ME1: variants seen among roughly 807,000 people sequenced by gnomAD.
The protein encoded by ME1 is malic enzyme 1, also known as NADP-dependent malic enzyme.
Under a neutral mutation model 66.4 loss-of-function variants are expected in ME1, and 74 were observed. That is an observed-to-expected ratio of 1.11 (90% CI 0.92 to 1.35). The LOEUF is 1.35. Among genes scored for constraint, ME1 ranks in the 40% most tolerant of loss-of-function variants. ME1 has a pLI of 0.00. For missense variants in ME1, 750 were observed against 694.1 expected, an observed-to-expected ratio of 1.08 and a Z score of -0.90; for synonymous variants, 251 against 235.6, an observed-to-expected ratio of 1.07 and a Z score of -0.60.
intron 6 of ME1, among the ~76,000 whole-genome samples, chr6:83,284,430 G>C (rs1767360594): frequency 6.6e-6 from 1 of 151,866 alleles, no homozygotes; most frequent in South Asian, 2.1e-4. Context: ...ACCTGGCAAA[G>C]ACACAACAAA....
At chr6:83,299,634 T>C (rs1470895783) in intron 6 of ME1, among the ~76,000 whole-genome samples, 3 of 152,172 alleles carry the variant, frequency 2.0e-5, no homozygotes, top group Non-Finnish European at 4.4e-5. Context: ...CTTTCAATAC[T>C]AAGTTGAATA....
intron 6 of ME1, among the ~76,000 whole-genome samples, chr6:83,280,112 A>C (rs1215231485): frequency 6.6e-6 from 1 of 152,216 alleles, no homozygotes; most frequent in Non-Finnish European, 1.5e-5. Flanking sequence ...AGTAATATTA[A>C]AAGATAAGAA....
chr6:83,254,211 G>A (rs1477148951), intron 6 of ME1, among the ~76,000 whole-genome samples: 1 of 152,102 alleles, frequency 6.6e-6, no homozygotes, highest in Non-Finnish European at 1.5e-5. Flanking sequence ...TGAGCTGAAA[G>A]ATAAAAAAGA....
chr6:83,404,722 T>C (rs1196999469), intron 2 of ME1, among the ~76,000 whole-genome samples: 1 of 152,256 alleles, frequency 6.6e-6, no homozygotes, highest in Non-Finnish European at 1.5e-5. Flanking sequence ...GTTTTCTGCA[T>C]ATGACTAGCC....
intron 7 of ME1, among the ~76,000 whole-genome samples, chr6:83,247,122 TAACAA>T (rs1790639031): frequency 6.6e-6 from 1 of 152,260 alleles, no homozygotes; most frequent in African/African-American, 2.4e-5. Context: ...TTAAAAATAC[TAACAA>T]GTCAAACTAG....
chr6:83,320,537 A>C (rs1040912571), intron 5 of ME1, among the ~76,000 whole-genome samples: 1 of 152,242 alleles, frequency 6.6e-6, no homozygotes, highest in South Asian at 2.1e-4. Context: ...CTGTTCCTTA[A>C]GGCATAAAAA....
At chr6:83,324,933 A>AT (rs1435440488) in intron 5 of ME1, among the ~76,000 whole-genome samples, 1 of 152,194 alleles carries the variant, frequency 6.6e-6, no homozygotes, top group Non-Finnish European at 1.5e-5. Flanking sequence ...TTTCAGGCCA[A>AT]TATCTCTGAC....
intron 9 of ME1, among the ~76,000 whole-genome samples, chr6:83,236,570 T>C (rs1050399450): frequency 6.6e-5 from 10 of 152,224 alleles, no homozygotes; most frequent in Admixed American, 2.0e-4. Flanking sequence ...CAAGTATTAA[T>C]AATGCCTTAT....
chr6:83,424,685 T>C (rs1770335967), intron 1 of ME1, among the ~76,000 whole-genome samples: 1 of 152,198 alleles, frequency 6.6e-6, no homozygotes, highest in African/African-American at 2.4e-5. Context: ...TGCTGTATTA[T>C]GAAATTTTGC....
At chr6:83,332,161 C>T (rs183743401) in intron 5 of ME1, among the ~76,000 whole-genome samples, 88 of 152,136 alleles carry the variant, frequency 5.8e-4, no homozygotes, top group Admixed American at 2.0e-3. Context: ...AACACCCTAC[C>T]TAATTTAATA....
chr6:83,228,765 T>A lies in ME1; in HGVS notation c.1132+61A>T, dbSNP rs1293926114. 5 of 1,122,420 alleles carry A rather than the reference T, an allele frequency of 4.5e-6. No homozygotes were observed. The East Asian group carries it at 7.2e-5, about 16-fold the overall frequency. 69.5% of individuals were successfully genotyped at this position (1,122,420 alleles called of 1,614,324 possible). On this transcript the variant is annotated intron_variant, in intron 10 of 13. Transcript: ENST00000369705. Reference sequence around the variant, plus strand: ...TAAATTATACCTCAAAAATTGGTAGTAAAAAAAACAATCAGGTCAAAATAA... The same window carrying A: ...TAAATTATACCTCAAAAATTGGTAGAAAAAAAAACAATCAGGTCAAAATAA...
chr6:83,302,728 T>A (rs1583368036), intron 6 of ME1, among the ~76,000 whole-genome samples: 1 of 152,192 alleles, frequency 6.6e-6, no homozygotes, highest in Non-Finnish European at 1.5e-5. Context: ...GAAGGAGCAG[T>A]TTATACAGAG....
chr6:83,398,065 T>C (rs935683372), intron 3 of ME1, among the ~76,000 whole-genome samples: 3 of 152,110 alleles, frequency 2.0e-5, no homozygotes, highest in African/African-American at 7.2e-5. Context: ...GTTCAAGACA[T>C]CTATTGTACC....
rs936831615 is a variant in ME1 at position 83,346,253 on chromosome 6, A to G, written c.520T>C (p.Leu174=). The stretch of plus-strand genomic sequence containing the variant: ...CCTCCGCAAGCTGTATATAGAGCCA[A>G]TTTACCCACAGGGATGCCCATTCCA... ...CNGMGIPVGK[L]ALYTACGGMN... Residue 174 remains leucine (L), a synonymous_variant, in exon 5 of 14, where the codon TTG becomes CTG. Transcript: ENST00000369705. 5.6e-6 allele frequency: 9 copies of G among 1,613,670 alleles called. No individual in the cohort carries two copies. In the Admixed American group the frequency reaches 6.7e-5, roughly 12 times the overall value.
chr6:83,411,954 C>T (rs1268795058), intron 1 of ME1, among the ~76,000 whole-genome samples: 2 of 152,162 alleles, frequency 1.3e-5, no homozygotes, highest in Non-Finnish European at 2.9e-5. Context: ...GGCAACTATT[C>T]TTCTGGACTG....
intron 3 of ME1, among the ~76,000 whole-genome samples, chr6:83,397,460 A>G (rs1225038529): frequency 6.6e-6 from 1 of 152,220 alleles, no homozygotes; most frequent in Non-Finnish European, 1.5e-5. Context: ...GGCTATACCA[A>G]AAAGATGAAC....
intron 3 of ME1, among the ~76,000 whole-genome samples, chr6:83,381,765 T>A (rs1041060347): frequency 6.6e-6 from 1 of 152,190 alleles, no homozygotes; most frequent in Non-Finnish European, 1.5e-5. Context: ...GCAAGTCTTC[T>A]TAGTGCCCTT....
At chr6:83,324,291 A>G (rs1317088103) in intron 5 of ME1, among the ~76,000 whole-genome samples, 2 of 151,640 alleles carry the variant, frequency 1.3e-5, no homozygotes, top group Non-Finnish European at 2.9e-5. Context: ...GAGAAGCAAG[A>G]GCAAACAAAT....
At chr6:83,273,771 G>A (rs983505983) in intron 6 of ME1, among the ~76,000 whole-genome samples, 6 of 152,136 alleles carry the variant, frequency 3.9e-5, no homozygotes, top group African/African-American at 1.2e-4. Context: ...TGAAATGAAC[G>A]TTATATGACA....
Sources: allele counts gnomAD v4.1 joint callset (sites outside exome capture counted in the v4.1 genomes callset), GRCh38; gene constraint gnomAD v4.1.1; transcripts MANE v1.5; gene names NCBI Gene and HGNC (gene_info 2026-07-23, HGNC 2026-07-21).